GABRB2: variants seen among roughly 807,000 people sequenced by gnomAD.
GABRB2 encodes gamma-aminobutyric acid type A receptor subunit beta2.
GABRB2 carries 16 observed loss-of-function variants against 54.7 expected under a neutral mutation model. The ratio of observed to expected loss-of-function variants is 0.29; its 90% CI spans 0.20 to 0.44. The LOEUF is 0.44. Ranked by LOEUF, GABRB2 falls within the 20% of genes least tolerant of loss-of-function variation. The pLI, the probability that GABRB2 is intolerant of heterozygous loss-of-function variation, is 1.00. For missense variants in GABRB2, 355 were observed against 644.0 expected, an observed-to-expected ratio of 0.55 and a Z score of 4.86; for synonymous variants, 244 against 233.8, an observed-to-expected ratio of 1.04 and a Z score of -0.40.
At chr5:161,461,859 T>C (rs1348643473) in intron 3 of GABRB2, among the ~76,000 whole-genome samples, 3 of 152,226 alleles carry the variant, frequency 2.0e-5, no homozygotes, top group Non-Finnish European at 2.9e-5. Context: ...AGTGGATTTC[T>C]GCACAAATCT....
rs548967052 is a variant in GABRB2 at position 161,411,397 on chromosome 5, G to A, written c.459-340C>T. 2.0e-5 allele frequency among the ~76,000 whole-genome samples: 3 copies of A among 152,304 alleles called. No individual in the cohort carries two copies. The East Asian group carries it at 5.8e-4, about 29-fold the overall frequency. On this transcript the variant is annotated intron_variant, in intron 4 of 9. Coordinates refer to ENST00000393959, the MANE Select transcript of GABRB2 (RefSeq NM_001371727.1). The stretch of plus-strand genomic sequence containing the variant: ...TTTCACAAGCATCACTGCTGACTGA[G>A]AATGTGGGCAAAGAATATTCCCATT...
Position 161,407,399 on chromosome 5 carries a change from C to T in GABRB2, c.541+3576G>A, listed in dbSNP as rs149514548. Among the ~76,000 whole-genome samples, 487 of 152,160 alleles carry T rather than the reference C, an allele frequency of 3.2e-3. 1 individual carries two copies. Among genetic ancestry groups the T allele is most frequent in the African/African-American group, 0.01 (433 of 41,520 alleles). ...GTAATGAGTTTCAATGTCCTCCTGA[C>T]AATGTGATTAAAACTTATTTTTTTT... On this transcript the variant is annotated intron_variant, in intron 5 of 9. Coordinates refer to ENST00000393959, the MANE Select transcript of GABRB2 (RefSeq NM_001371727.1).
chr5:161,458,141 T>G (rs1219104346), intron 4 of GABRB2, among the ~76,000 whole-genome samples: 1 of 152,186 alleles, frequency 6.6e-6, no homozygotes, highest in Non-Finnish European at 1.5e-5. Context: ...ACTGCACACA[T>G]GGTCACCCTC....
intron 9 of GABRB2, among the ~76,000 whole-genome samples, chr5:161,295,973 A>G (rs1234443375): frequency 6.6e-6 from 1 of 152,230 alleles, no homozygotes. Context: ...TCCTTGACCT[A>G]CAGAAGGAAG....
At chr5:161,312,524 A>G (rs1757900024) in intron 9 of GABRB2, among the ~76,000 whole-genome samples, 1 of 151,806 alleles carries the variant, frequency 6.6e-6, no homozygotes, top group South Asian at 2.1e-4. Flanking sequence ...AATATTGAAA[A>G]CTCTCAAAAC....
chr5:161,328,071 T>A (rs1378224225), intron 8 of GABRB2, among the ~76,000 whole-genome samples: 1 of 152,230 alleles, frequency 6.6e-6, no homozygotes, highest in African/African-American at 2.4e-5. Context: ...AAATGGGTTG[T>A]AGGTTTTCTG....
chr5:161,381,117 T>C (rs920032785), intron 5 of GABRB2, among the ~76,000 whole-genome samples: 1 of 152,156 alleles, frequency 6.6e-6, no homozygotes, highest in Non-Finnish European at 1.5e-5. Context: ...AACATGAGCT[T>C]TGGAATCACA....
intron 3 of GABRB2, among the ~76,000 whole-genome samples, chr5:161,508,736 T>C (rs17522451): frequency 0.02 from 3,036 of 152,124 alleles, 41 homozygotes; most frequent in Middle Eastern, 0.054. Context: ...GATAAGAGGA[T>C]GAATGCATAG....
chr5:161,423,794 C>A (rs1756920919), intron 4 of GABRB2, among the ~76,000 whole-genome samples: 1 of 152,050 alleles, frequency 6.6e-6, no homozygotes, highest in Non-Finnish European at 1.5e-5. Context: ...GTAAGAAAGG[C>A]TGAAAACTAG....
At chr5:161,471,652 A>AT (rs1277858640) in intron 3 of GABRB2, among the ~76,000 whole-genome samples, 1 of 152,000 alleles carries the variant, frequency 6.6e-6, no homozygotes, top group Non-Finnish European at 1.5e-5. Flanking sequence ...CTTCTAGGTG[A>AT]TAACGGGACT....
chr5:161,403,823 A>C (rs1167253575), intron 5 of GABRB2, among the ~76,000 whole-genome samples: 1 of 152,186 alleles, frequency 6.6e-6, no homozygotes, highest in African/African-American at 2.4e-5. Context: ...GAAGATAAGA[A>C]TTGAAAATTT....
intron 3 of GABRB2, among the ~76,000 whole-genome samples, chr5:161,521,023 G>A (rs2113429912): frequency 6.6e-6 from 1 of 152,100 alleles, no homozygotes; most frequent in East Asian, 1.9e-4. Flanking sequence ...GAACATCCAT[G>A]ATTTACAACA....
chr5:161,365,093 A>C (rs571395129), intron 5 of GABRB2, among the ~76,000 whole-genome samples: 1 of 152,208 alleles, frequency 6.6e-6, no homozygotes, highest in Non-Finnish European at 1.5e-5. Context: ...CTAAAGAGAA[A>C]CCGTTTTTTG....
intron 4 of GABRB2, among the ~76,000 whole-genome samples, chr5:161,428,288 C>CGT (rs71302909): frequency 0.086 from 12,519 of 145,164 alleles, 584 homozygotes; most frequent in African/African-American, 0.13. Context: ...CAGAGAGTTA[C>CGT]GTGTGTGTGT....
intron 5 of GABRB2, among the ~76,000 whole-genome samples, chr5:161,393,298 GTAAAAAAAAAAAAAAAAA>G (rs1435323647): frequency 3.6e-5 from 2 of 56,292 alleles, no homozygotes; most frequent in East Asian, 5.0e-4. Flanking sequence ...CTTTAAAAAT[GTAAAAAAAAAAAAAAAAA>G]AAAAAAAAAA....
intron 9 of GABRB2, among the ~76,000 whole-genome samples, chr5:161,298,468 C>A (rs1757445221): frequency 6.6e-6 from 1 of 152,208 alleles, no homozygotes; most frequent in Non-Finnish European, 1.5e-5. Context: ...GGCATGGCAC[C>A]TGGCACATAG....
At chr5:161,475,602 G>T (rs939231305) in intron 3 of GABRB2, among the ~76,000 whole-genome samples, 3 of 151,718 alleles carry the variant, frequency 2.0e-5, no homozygotes, top group African/African-American at 7.3e-5. Context: ...ACATGAGAAG[G>T]AATACACATC....
intron 9 of GABRB2, among the ~76,000 whole-genome samples, chr5:161,296,921 A>T (rs1317069764): frequency 6.6e-6 from 1 of 152,230 alleles, no homozygotes; most frequent in Non-Finnish European, 1.5e-5. Context: ...AGACTAACTG[A>T]AATAAAATAT....
intron 5 of GABRB2, among the ~76,000 whole-genome samples, chr5:161,399,943 G>A (rs1451060767): frequency 1.3e-5 from 2 of 152,168 alleles, no homozygotes; most frequent in African/African-American, 4.8e-5. Flanking sequence ...TGGCGATAAT[G>A]TAATTTTCAT....
Sources: allele counts gnomAD v4.1 joint callset (sites outside exome capture counted in the v4.1 genomes callset), GRCh38; gene constraint gnomAD v4.1.1; transcripts MANE v1.5; gene names NCBI Gene and HGNC (gene_info 2026-07-23, HGNC 2026-07-21).